Variants in PRKD3 observed in about 807,000 individuals in gnomAD.
PRKD3 encodes the protein protein kinase D3.
Under a neutral mutation model 99.2 loss-of-function variants are expected in PRKD3, and 47 were observed. That is an observed-to-expected ratio of 0.47 (90% CI 0.38 to 0.60). PRKD3 has a LOEUF of 0.60. Among genes scored for constraint, PRKD3 ranks in the 20% least tolerant of loss-of-function variants. The pLI is 0.00. For missense variants in PRKD3, 1,019 were observed against 1,088.4 expected, an observed-to-expected ratio of 0.94 and a Z score of 0.90; for synonymous variants, 392 against 355.4, an observed-to-expected ratio of 1.10 and a Z score of -1.16.
intron 14 of PRKD3, among the ~76,000 whole-genome samples, chr2:37,266,207 T>C (rs987912261): frequency 6.6e-6 from 1 of 152,216 alleles, no homozygotes; most frequent in Non-Finnish European, 1.5e-5. Flanking sequence ...TAGCAACAAG[T>C]AACATAATAA....
chr2:37,324,206 G>A (rs1672012636), intron 1 of PRKD3: 2 of 985,482 alleles, frequency 2.0e-6, no homozygotes, highest in Non-Finnish European at 2.4e-6. Flanking sequence ...ACCCCTTTGA[G>A]ACGACTACAA....
At chr2:37,263,910 C>T (rs909879341) in intron 14 of PRKD3, among the ~76,000 whole-genome samples, 18 of 152,122 alleles carry the variant, frequency 1.2e-4, no homozygotes, top group African/African-American at 3.4e-4. Flanking sequence ...AAGATGAGAA[C>T]GGGAAAATGC....
chr2:37,315,619 G>C (rs184516266), intron 2 of PRKD3, among the ~76,000 whole-genome samples: 14 of 152,276 alleles, frequency 9.2e-5, no homozygotes, highest in African/African-American at 3.1e-4. Flanking sequence ...TGTTTTCTCT[G>C]AAAACAAATG....
At chr2:37,278,039 T>G (rs1669659019) in intron 8 of PRKD3, 50 bp from the exon 9 acceptor site, 2 of 1,503,472 alleles carry the variant, frequency 1.3e-6, no homozygotes, top group Non-Finnish European at 9.1e-7. Context: ...TAAAAAATCA[T>G]ATAAATACTG....
intron 11 of PRKD3, 126 bp from the exon 12 acceptor site, chr2:37,272,558 T>A: frequency 1.7e-6 from 2 of 1,202,526 alleles, no homozygotes; most frequent in Non-Finnish European, 2.2e-6. Flanking sequence ...TTATGTACAT[T>A]AACAAAATCT....
chr2:37,298,527 C>T, intron 2 of PRKD3, among the ~76,000 whole-genome samples: 1 of 151,986 alleles, frequency 6.6e-6, no homozygotes, highest in East Asian at 1.9e-4. Context: ...GCCTACTTGC[C>T]TACTTCATAA....
chr2:37,306,401 T>C (rs1424417210), intron 2 of PRKD3, among the ~76,000 whole-genome samples: 1 of 152,228 alleles, frequency 6.6e-6, no homozygotes, highest in Non-Finnish European at 1.5e-5. Flanking sequence ...AGAGATCTTG[T>C]TTGTTGTTAA....
rs573654524 is a variant in PRKD3 at position 37,283,653 on chromosome 2, A to C, written c.911-1034T>G. 7.2e-5 allele frequency among the ~76,000 whole-genome samples: 11 copies of C among 152,264 alleles called. No homozygotes were observed. In the East Asian group the frequency reaches 1.9e-3, roughly 27 times the overall value. ...AATAGATTTGTGTTTTATCTCATGAACTTTGCAAACTGTGAAAACAACAAG... is the reference window on the plus strand; with the variant it reads ...AATAGATTTGTGTTTTATCTCATGACCTTTGCAAACTGTGAAAACAACAAG... On this transcript the variant is annotated intron_variant, in intron 6 of 18. Coordinates refer to ENST00000234179, the MANE Select transcript of PRKD3 (RefSeq NM_005813.6).
At chr2:37,267,600 A>AC in intron 13 of PRKD3, 64 bp from the exon 14 acceptor site, 1 of 1,180,738 alleles carries the variant, frequency 8.5e-7, no homozygotes, top group Non-Finnish European at 1.2e-6. Flanking sequence ...GGAGTTGTCC[A>AC]CAGACTGAAA....
intron 17 of PRKD3, among the ~76,000 whole-genome samples, chr2:37,255,834 C>T (rs902991854): frequency 6.6e-6 from 1 of 152,002 alleles, no homozygotes; most frequent in African/African-American, 2.4e-5. Flanking sequence ...AGTGGGACCC[C>T]ATCTCTACAA....
intron 8 of PRKD3, chr2:37,278,330 T>C (rs1403382007): frequency 1.2e-5 from 2 of 167,912 alleles, no homozygotes; most frequent in African/African-American, 4.8e-5. Flanking sequence ...TGAAGAGTTT[T>C]CCTGCCCTAG....
chr2:37,291,368 T>C (rs1474985509), intron 3 of PRKD3, among the ~76,000 whole-genome samples: 1 of 152,264 alleles, frequency 6.6e-6, no homozygotes, highest in East Asian at 1.9e-4. Context: ...CTTCAATTTA[T>C]GGAAACGTTT....
chr2:37,298,231 T>C (rs940630595), intron 2 of PRKD3, among the ~76,000 whole-genome samples: 4 of 152,206 alleles, frequency 2.6e-5, no homozygotes, highest in African/African-American at 9.7e-5. Context: ...TCATTAACCG[T>C]CCTGTAGTCA....
intron 8 of PRKD3, 149 bp from the exon 9 acceptor site, chr2:37,278,138 C>G (rs1669664268): frequency 1.9e-6 from 1 of 513,542 alleles, no homozygotes; most frequent in Non-Finnish European, 3.2e-6. Context: ...AAAAATTAAT[C>G]CTGTTATGAT....
At chr2:37,261,776 A>C (rs562977070) in intron 14 of PRKD3, among the ~76,000 whole-genome samples, 1 of 151,960 alleles carries the variant, frequency 6.6e-6, no homozygotes, top group African/African-American at 2.4e-5. Flanking sequence ...GCAAAACTCT[A>C]TCTCAAAAAC....
chr2:37,280,744 A>C (rs951627917), intron 7 of PRKD3, among the ~76,000 whole-genome samples: 7 of 152,152 alleles, frequency 4.6e-5, no homozygotes, highest in African/African-American at 1.7e-4. Context: ...GTGACAACAT[A>C]AATAAATAAA....
chr2:37,259,740 G>A, intron 15 of PRKD3, 59 bp from the exon 16 acceptor site: 1 of 1,182,778 alleles, frequency 8.5e-7, no homozygotes, highest in Non-Finnish European at 1.3e-6. Context: ...AACCTCATGT[G>A]ACTCCTTGAA....
intron 14 of PRKD3, among the ~76,000 whole-genome samples, chr2:37,267,129 G>A (rs188435835): frequency 4.0e-4 from 61 of 152,268 alleles, no homozygotes; most frequent in Admixed American, 1.2e-3. Flanking sequence ...TGACAAGCAT[G>A]TCACCTGTGA....
intron 17 of PRKD3, among the ~76,000 whole-genome samples, chr2:37,255,368 C>G (rs575500482): frequency 5.9e-5 from 9 of 152,258 alleles, no homozygotes; most frequent in African/African-American, 2.2e-4. Flanking sequence ...GGGGTATTCC[C>G]CAGCACTGGT....
Sources: gnomAD v4.1 joint callset for allele counts (sites outside exome capture counted in the v4.1 genomes callset) on GRCh38, gnomAD v4.1.1 for gene constraint, MANE v1.5 for transcripts, NCBI Gene and HGNC (gene_info 2026-07-23, HGNC 2026-07-21) for gene names.